The following IQCN variants were observed in gnomAD, a reference collection of about 807,000 sequenced individuals.
The protein encoded by IQCN is IQ motif containing N, also known as IQ domain-containing protein N.
IQCN carries 46 observed loss-of-function variants against 64.4 expected under a neutral mutation model. The observed-to-expected ratio is 0.71, with a 90% CI of 0.56 to 0.91. The LOEUF is 0.91. Ranked by LOEUF, IQCN falls within the 40% of genes least tolerant of loss-of-function variation. The pLI, the probability that IQCN is intolerant of heterozygous loss-of-function variation, is 0.00. For missense variants in IQCN, 1,753 were observed against 1,857.4 expected (o/e 0.94, Z 1.03); for synonymous variants, 733 against 775.6 (o/e 0.95, Z 0.91).
At chr19:18,260,580 G>C (rs554698809) in intron 3 of IQCN, 18 of 153,078 alleles carry the variant, frequency 1.2e-4, no homozygotes, top group Non-Finnish European at 1.2e-4. Context: ...GAATAGGCTG[G>C]GGGCTATAGC....
intron 3 of IQCN, among the ~76,000 whole-genome samples, chr19:18,263,855 C>T (rs1321945266): frequency 6.6e-6 from 1 of 152,152 alleles, no homozygotes; most frequent in Non-Finnish European, 1.5e-5. Context: ...CCTCCCTGGT[C>T]GATAGATAAG....
chr19:18,257,244 T>C lies in IQCN; in HGVS notation c.4040A>G (p.Glu1347Gly). Reference sequence around the variant, plus strand: ...GGGGTCTGCTGGTCCCAAGAGCGCCTCTGTGTTCTTCAGACAGCTCCGGGT... The same window carrying C: ...GGGGTCTGCTGGTCCCAAGAGCGCCCCTGTGTTCTTCAGACAGCTCCGGGT... ...HHTRSCLKNT[E>G]ALLGPADPSA... The change falls in exon 4 of 4, where the codon GAG (glutamate) becomes GGG (glycine). Residue 1347 changes from glutamate (E) to glycine (G), a missense_variant. By Grantham distance (98) the Glu-to-Gly change is moderately conservative. Coordinates refer to ENST00000392413, the MANE Select transcript of IQCN (RefSeq NM_001145304.2). The C allele has an allele frequency of 6.2e-7, 1 of 1,613,706 alleles. No individual in the cohort carries two copies. The highest frequency in any genetic ancestry group is 8.5e-7 in the Non-Finnish European group (1 of 1,180,028).
chr19:18,258,526 C>T, intron 3 of IQCN: 1 of 431,024 alleles, frequency 2.3e-6, no homozygotes, highest in Non-Finnish European at 4.7e-6. Context: ...TTTCCAGACA[C>T]TGTTTTCTGG....
chr19:18,265,263 C>T lies in IQCN; in HGVS notation c.2277G>A (p.Ala759=), dbSNP rs148046301. 24 of 1,613,630 alleles carry T rather than the reference C, an allele frequency of 1.5e-5. No individual in the cohort carries two copies. Among genetic ancestry groups the T allele is most frequent in the Admixed American group, 5.0e-5 (3 of 59,996 alleles). The change falls in exon 3 of 4, where the codon GCG becomes GCA. Residue 759 remains alanine, a synonymous_variant. Transcript: ENST00000392413. The surrounding 1 kb of genome is among the most constrained non-coding windows in gnomAD (Gnocchi z 4.7). The part of the protein sequence containing the change: ...ITDITTCLIP[A]HQAADLSSNT... ...TGCTGCTGAGATCAGCAGCCTGGTG[C>T]GCTGGGATGAGGCACGTGGTTATGT...
At chr19:18,261,530 G>C (rs1368568850) in intron 3 of IQCN, 1 of 86,116 alleles carries the variant, frequency 1.2e-5, no homozygotes, top group African/African-American at 4.2e-5. Flanking sequence ...GGTAGGCTGG[G>C]CTTGGGGACA....
chr19:18,261,796 A>G, intron 3 of IQCN: 1 of 152,772 alleles, frequency 6.5e-6, no homozygotes, highest in Non-Finnish European at 1.4e-5. Flanking sequence ...ACACATGGAT[A>G]GTCTGGGCTT....
chr19:18,273,523 G>A (rs1043516416), intron 1 of IQCN, among the ~76,000 whole-genome samples: 30 of 152,024 alleles, frequency 2.0e-4, no homozygotes, highest in African/African-American at 7.0e-4. Flanking sequence ...GTGGAAATGG[G>A]GTTTCTCCAT....
At position 18,257,385 on chromosome 19, in the gene IQCN, T is replaced by C; in HGVS notation, c.3899A>G (p.Gln1300Arg). The C allele has an allele frequency of 6.2e-7, 1 of 1,611,510 alleles. No homozygotes were observed. The highest frequency in any genetic ancestry group is 1.7e-5 in the Admixed American group (1 of 60,006). The change falls in exon 4 of 4, where the codon CAG becomes CGG. Residue 1300 changes from glutamine to arginine, a missense_variant. By Grantham distance (43) the Gln-to-Arg change is conservative (BLOSUM62 1). Coordinates refer to ENST00000392413, the MANE Select transcript of IQCN (RefSeq NM_001145304.2). ...CTGGATGGCTGTGGCCGCTTTGTCCTGGCGATGCGGCTGCCTGGGACTCAG... is the reference window on the plus strand; with the variant it reads ...CTGGATGGCTGTGGCCGCTTTGTCCCGGCGATGCGGCTGCCTGGGACTCAG... ...AALSPRQPHR[Q>R]DKAATAIQSA...
chr19:18,265,585 T>G lies in IQCN; in HGVS notation c.1955A>C (p.Asp652Ala). 6.2e-7 allele frequency: 1 copy of G among 1,612,920 alleles called. No individual in the cohort carries two copies. The highest frequency in any genetic ancestry group is 8.5e-7 in the Non-Finnish European group (1 of 1,179,132). Residue 652 changes from aspartate (D) to alanine (A), a missense_variant, in exon 3 of 4, where the codon GAC (aspartate) becomes GCC (alanine). Physicochemically the swap from Asp to Ala is moderately radical, Grantham distance 126. Transcript: ENST00000392413. This position sits in a 1 kb window ranked among gnomAD's most constrained non-coding sequence, Gnocchi z 4.7. ...DKPPHVYVPV[D>A]MAVTLPRGQL... ...TCCCCGGGGCAGGGTGACAGCCATG[T>G]CTACAGGCACATACACGTGAGGTGG... is the stretch of plus-strand genomic sequence containing the variant.
intron 1 of IQCN, among the ~76,000 whole-genome samples, chr19:18,272,136 T>TCTC (rs201963257): frequency 7.5e-6 from 1 of 133,900 alleles, no homozygotes. Context: ...CTTTTTTTTT[T>TCTC]TCTCTCTCTC....
chr19:18,265,073 G>C lies in IQCN; in HGVS notation c.2467C>G (p.Pro823Ala), dbSNP rs1191415487. ...ATACCCTGGACCTCACAGGCTGCCG[G>C]GCATGGTCCCCCCTGAGTGGTCTTC... The part of the protein sequence containing the change: ...PGKTTQGGPC[P>A]AACEVQGMLV... Residue 823 changes from proline to alanine, a missense_variant, in exon 3 of 4, where the codon CCG (proline) becomes GCG (alanine). By Grantham distance (27) the Pro-to-Ala change is conservative. Coordinates refer to ENST00000392413, the MANE Select transcript of IQCN (RefSeq NM_001145304.2). The surrounding 1 kb of genome is among the most constrained non-coding windows in gnomAD (Gnocchi z 4.7). 1 of 1,601,400 alleles carries C rather than the reference G, an allele frequency of 6.2e-7. No individual in the cohort carries two copies. The highest frequency in any genetic ancestry group is 8.5e-7 in the Non-Finnish European group (1 of 1,179,846).
In IQCN at chr19:18,265,857, C is replaced by T; in HGVS notation, c.1683G>A (p.Lys561=). 6.2e-7 allele frequency: 1 copy of T among 1,614,190 alleles called. No homozygotes were observed. The highest frequency in any genetic ancestry group is 8.5e-7 in the Non-Finnish European group (1 of 1,180,026). ...AGGCTTTCACCACCTTTGCAGCCTGCTTCACATTCACGGTGGCCTTGGCCT... is the reference window on the plus strand; with the variant it reads ...AGGCTTTCACCACCTTTGCAGCCTGTTTCACATTCACGGTGGCCTTGGCCT... ...PPKAKATVNV[K]QAAKVVKASS... is the part of the protein sequence containing the mutation. Residue 561 remains lysine (K), a synonymous_variant, in exon 3 of 4, where the codon AAG becomes AAA. Transcript: ENST00000392413. This position sits in a 1 kb window ranked among gnomAD's most constrained non-coding sequence, Gnocchi z 4.7.
At chr19:18,268,451 A>G (rs1285224192) in intron 2 of IQCN, among the ~76,000 whole-genome samples, 1 of 152,142 alleles carries the variant, frequency 6.6e-6, no homozygotes, top group Non-Finnish European at 1.5e-5. Context: ...TGGATGAATC[A>G]GTCGATGAGT....
At position 18,264,510 on chromosome 19, in the gene IQCN, C is replaced by T. The variant is rs754798274; in HGVS notation, c.3030G>A (p.Arg1010=). Residue 1010 remains arginine (R), a synonymous_variant, in exon 3 of 4, where the codon AGG becomes AGA. Transcript: ENST00000392413. This position sits in a 1 kb window ranked among gnomAD's most constrained non-coding sequence, Gnocchi z 4.3. Reference sequence around the variant, plus strand: ...CGGCCTTGGGGAGGATGGTTCCAGTCCTCAGGGCCACCCGACACCAAGACT... The same window carrying T: ...CGGCCTTGGGGAGGATGGTTCCAGTTCTCAGGGCCACCCGACACCAAGACT... ...LSQSWCRVAL[R]TGTILPKAAS... The T allele has an allele frequency of 1.4e-5, 22 of 1,551,366 alleles. No individual in the cohort carries two copies. The highest frequency in any genetic ancestry group is 1.9e-5 in the Non-Finnish European group (22 of 1,146,972).
At position 18,266,286 on chromosome 19, in the gene IQCN, T is replaced by C. The variant is rs1969581150; in HGVS notation, c.1254A>G (p.Thr418=). The C allele has an allele frequency of 5.0e-6, 8 of 1,613,552 alleles. No homozygotes were observed. The highest frequency in any genetic ancestry group is 1.3e-5 in the African/African-American group (1 of 74,996). The change falls in exon 3 of 4, where the codon ACA becomes ACG. Residue 418 remains threonine, a synonymous_variant. Coordinates refer to ENST00000392413, the MANE Select transcript of IQCN (RefSeq NM_001145304.2). The surrounding 1 kb of genome is among the most constrained non-coding windows in gnomAD (Gnocchi z 4.3). ...TCTTTGCCGTGATGGTCGCAGGGCA[T>C]GTCTGCCGTGGGGTGCCAGTTCTGG... ...TASRTGTPRQ[T]CPATITAKNR...
Position 18,264,269 on chromosome 19 carries a change from C to T in IQCN, c.3177+94G>A, listed in dbSNP as rs2148099966. 8.9e-7 allele frequency: 1 copy of T among 1,118,346 alleles called. No homozygotes were observed. Among genetic ancestry groups the T allele is most frequent in the Non-Finnish European group, 1.2e-6 (1 of 811,452 alleles). The allele number at this position is 1,118,346 out of a possible 1,614,324, so 69.3% of individuals were successfully genotyped here. ...CCACAGATAAGCAGGGTGACCCCCA[C>T]AAGATGGCCCCATCAATCCCCCATC... On this transcript the variant is annotated intron_variant, in intron 3 of 3. Coordinates refer to ENST00000392413, the MANE Select transcript of IQCN (RefSeq NM_001145304.2). The surrounding 1 kb of genome is among the most constrained non-coding windows in gnomAD (Gnocchi z 4.3).
At position 18,266,863 on chromosome 19, in the gene IQCN, C is replaced by G. The variant is rs764763143; in HGVS notation, c.677G>C (p.Gly226Ala). 6.2e-7 allele frequency: 1 copy of G among 1,613,168 alleles called. No homozygotes were observed. The highest frequency in any genetic ancestry group is 8.5e-7 in the Non-Finnish European group (1 of 1,179,450). The stretch of plus-strand genomic sequence containing the variant: ...CCCCCGGACTCTGGCAGCATGAGGA[C>G]CCTGCACACAGGGCTCTGGGGTACC... Reference protein sequence around the residue: ...AQGTPEPCVQGPHAARVRGLA... With the variant: ...AQGTPEPCVQAPHAARVRGLA... Residue 226 changes from glycine (G) to alanine (A), a missense_variant, in exon 3 of 4, where the codon GGT becomes GCT. By Grantham distance (60) the Gly-to-Ala change is moderately conservative (BLOSUM62 0). Coordinates refer to ENST00000392413, the MANE Select transcript of IQCN (RefSeq NM_001145304.2). The surrounding 1 kb of genome is among the most constrained non-coding windows in gnomAD (Gnocchi z 4.3).
At chr19:18,273,714 G>A (rs1212372470) in intron 1 of IQCN, among the ~76,000 whole-genome samples, 1 of 152,194 alleles carries the variant, frequency 6.6e-6, no homozygotes, top group Admixed American at 6.5e-5. Context: ...AAAATCACTT[G>A]AACCCGGGAG....
intron 1 of IQCN, among the ~76,000 whole-genome samples, chr19:18,270,502 C>T (rs7252335): frequency 0.22 from 33,247 of 151,466 alleles, 4,561 homozygotes; most frequent in African/African-American, 0.39. Context: ...CTACTAAAAA[C>T]ATAAAAATTA....
Sources: allele counts gnomAD v4.1 joint callset (sites outside exome capture counted in the v4.1 genomes callset), GRCh38; gene constraint gnomAD v4.1.1; non-coding constraint Gnocchi (gnomAD v3.1); transcripts MANE v1.5; gene names NCBI Gene and HGNC (gene_info 2026-07-23, HGNC 2026-07-21).